COX16: variants seen among roughly 807,000 people sequenced by gnomAD.
COX16 encodes cytochrome c oxidase assembly factor COX16.
A neutral mutation model predicts 15.4 loss-of-function variants in COX16; 12 were observed. The observed-to-expected ratio is 0.78, with a 90% confidence interval of 0.50 to 1.26. The LOEUF (loss-of-function observed/expected upper bound fraction) is 1.26, where lower values mean the gene tolerates loss of function less well. Ranked by LOEUF, COX16 falls within the 50% of genes most tolerant of loss-of-function variation. COX16 has a pLI of 0.00. For missense variants in COX16, 124 were observed against 127.6 expected (o/e 0.97, Z 0.14); for synonymous variants, 46 against 41.1 (o/e 1.12, Z -0.46).
intron 3 of COX16, among the ~76,000 whole-genome samples, chr14:70,327,353 TGA>T (rs1468720458): frequency 1.3e-5 from 2 of 150,194 alleles, no homozygotes; most frequent in East Asian, 3.9e-4. Context: ...ACTCTACATT[TGA>T]GAGTCTTCAG....
chr14:70,344,040 C>T (rs535765577), intron 1 of COX16, among the ~76,000 whole-genome samples: 1 of 152,284 alleles, frequency 6.6e-6, no homozygotes, highest in East Asian at 1.9e-4. Flanking sequence ...GTGAGCTTTC[C>T]TTGCTGTTTT....
At chr14:70,347,126 T>G (rs1886807440) in intron 1 of COX16, among the ~76,000 whole-genome samples, 1 of 151,850 alleles carries the variant, frequency 6.6e-6, no homozygotes, top group African/African-American at 2.4e-5. Context: ...ACAGAAGCAG[T>G]ATCCCATCCC....
chr14:70,338,360 C>A (rs552470924), intron 2 of COX16, among the ~76,000 whole-genome samples: 6 of 152,206 alleles, frequency 3.9e-5, no homozygotes, highest in Admixed American at 3.9e-4. Flanking sequence ...GATCCACCAA[C>A]CTTGGCCTCC....
In COX16 at chr14:70,325,438, G is replaced by C. The variant is rs1400629221; in HGVS notation, c.*895C>G. 1 of 152,232 alleles carries C rather than the reference G, an allele frequency of 6.6e-6. No homozygotes were observed. The highest frequency in any genetic ancestry group is 1.5e-5 in the Non-Finnish European group (1 of 68,096). 9.4% of individuals were successfully genotyped at this position (152,232 alleles called of 1,614,324 possible). A position where few individuals can be genotyped will look rare whatever the true frequency, so the allele number is the denominator to read the frequency against. On this transcript the variant is annotated 3_prime_UTR_variant, in exon 4 of 4. Transcript: ENST00000389912. The stretch of plus-strand genomic sequence containing the variant: ...CTACTAAATACAAAAAATTAGCCGG[G>C]TGTGACAGCATGTGCCTGTAGTCCC...
intron 1 of COX16, among the ~76,000 whole-genome samples, 157 bp from the exon 2 acceptor site, chr14:70,342,886 A>AATGCAGTAT (rs1303381588): frequency 1.3e-5 from 2 of 152,228 alleles, no homozygotes; most frequent in Non-Finnish European, 1.5e-5. Flanking sequence ...TTTTAGAGTA[A>AATGCAGTAT]ATGCAGTATA....
chr14:70,336,860 T>G (rs892769675), intron 2 of COX16, among the ~76,000 whole-genome samples: 7 of 152,200 alleles, frequency 4.6e-5, no homozygotes, highest in African/African-American at 7.2e-5. Flanking sequence ...TATCCAATAA[T>G]CTAAAATTTA....
At chr14:70,353,719 T>C (rs1159357466) in intron 1 of COX16, among the ~76,000 whole-genome samples, 6 of 152,096 alleles carry the variant, frequency 3.9e-5, no homozygotes, top group Admixed American at 1.3e-4. Flanking sequence ...TTCACCATAT[T>C]GGCCAGGATG....
intron 1 of COX16, among the ~76,000 whole-genome samples, chr14:70,344,413 C>G (rs1164175431): frequency 1.3e-5 from 2 of 152,228 alleles, no homozygotes; most frequent in African/African-American, 4.8e-5. Context: ...ACAAGGGCAG[C>G]TTACAGGTTA....
chr14:70,332,558 AC>A (rs1886323324), intron 2 of COX16, among the ~76,000 whole-genome samples: 1 of 152,072 alleles, frequency 6.6e-6, no homozygotes, highest in South Asian at 2.1e-4. Flanking sequence ...CTGTCTAGGG[AC>A]CTGCTGGGAA....
intron 3 of COX16, among the ~76,000 whole-genome samples, chr14:70,328,432 A>C (rs1463700117): frequency 6.6e-6 from 1 of 152,210 alleles, no homozygotes; most frequent in East Asian, 1.9e-4. Context: ...AAGAAACAGG[A>C]AAATATAATC....
chr14:70,342,314 C>T (rs906329662), intron 2 of COX16, among the ~76,000 whole-genome samples: 36 of 152,096 alleles, frequency 2.4e-4, no homozygotes, highest in South Asian at 8.3e-4. Context: ...GTGGTAGTGG[C>T]GCACACCTGT....
At chr14:70,345,592 T>G (rs1886754989) in intron 1 of COX16, among the ~76,000 whole-genome samples, 1 of 152,076 alleles carries the variant, frequency 6.6e-6, no homozygotes, top group South Asian at 2.1e-4. Context: ...ACAGTACAAA[T>G]TAAATAATGG....
intron 1 of COX16, 33 bp from the exon 2 acceptor site, chr14:70,342,762 CAGA>C (rs750671316): frequency 1.2e-6 from 2 of 1,602,276 alleles, no homozygotes; most frequent in African/African-American, 1.4e-5. Context: ...TTAAGCAAAA[CAGA>C]AGACCAGAAT....
At chr14:70,358,371 ATTTT>A (rs34871293) in intron 1 of COX16, among the ~76,000 whole-genome samples, 4 of 94,074 alleles carry the variant, frequency 4.3e-5, no homozygotes, top group Admixed American at 1.3e-4. Flanking sequence ...AAAAACAACA[ATTTT>A]TTTTTTTTTT....
At chr14:70,331,110 C>G (rs757618629) in intron 2 of COX16, among the ~76,000 whole-genome samples, 10 of 152,128 alleles carry the variant, frequency 6.6e-5, no homozygotes, top group Non-Finnish European at 8.8e-5. Flanking sequence ...TGGGTTCAAG[C>G]AATTCCTCTG....
Position 70,327,505 on chromosome 14 carries a change from A to AT in COX16, c.205-1057_205-1056insA, listed in dbSNP as rs1465972721. 2.0e-5 allele frequency among the ~76,000 whole-genome samples: 3 copies of AT among 152,164 alleles called. No individual in the cohort carries two copies. In the East Asian group the frequency reaches 5.8e-4, roughly 29 times the overall value. On this transcript the variant is annotated intron_variant, in intron 3 of 3. Transcript: ENST00000389912. ...GGATTTTTTTTTTTAATCAATGGGA[A>AT]AGTAGTAAATGAAAATACTGTTCAC... is the stretch of plus-strand genomic sequence containing the variant.
Position 70,326,591 on chromosome 14 carries a change from C to T in COX16, c.205-142G>A, listed in dbSNP as rs1886085645. The T allele has an allele frequency of 9.8e-6, 5 of 511,376 alleles. No individual in the cohort carries two copies. In the South Asian group the frequency reaches 3.6e-4, roughly 37 times the overall value. 31.7% of individuals were successfully genotyped at this position (511,376 alleles called of 1,614,324 possible). A position where few individuals can be genotyped will look rare whatever the true frequency, so the allele number is the denominator to read the frequency against. On this transcript the variant is annotated intron_variant, in intron 3 of 3. Coordinates refer to ENST00000389912, the MANE Select transcript of COX16 (RefSeq NM_016468.7). ...ACAACTGTAGCAAATAAATCAACTA[C>T]AATCATTGATGAAATGTCATCTTAA...
At chr14:70,356,932 G>C (rs1887142011) in intron 1 of COX16, among the ~76,000 whole-genome samples, 1 of 151,900 alleles carries the variant, frequency 6.6e-6, no homozygotes, top group Non-Finnish European at 1.5e-5. Context: ...CTCCACCCAA[G>C]CTCCGTAACA....
intron 2 of COX16, among the ~76,000 whole-genome samples, chr14:70,329,672 C>T (rs59670562): frequency 7.1e-6 from 1 of 141,548 alleles, no homozygotes; most frequent in East Asian, 2.0e-4. Flanking sequence ...TAATGCTGCA[C>T]TTGAAAACAA....
Sources: gnomAD v4.1 joint callset for allele counts (sites outside exome capture counted in the v4.1 genomes callset) on GRCh38, gnomAD v4.1.1 for gene constraint, MANE v1.5 for transcripts, NCBI Gene and HGNC (gene_info 2026-07-23, HGNC 2026-07-21) for gene names.